The following FILIP1L variants were observed in gnomAD, a reference collection of about 807,000 sequenced individuals.
FILIP1L encodes the protein filamin A interacting protein 1 like, also known as filamin A-interacting protein 1-like.
Under a neutral mutation model 96.6 loss-of-function variants are expected in FILIP1L, and 55 were observed. The ratio of observed to expected loss-of-function variants is 0.57; its 90% CI spans 0.46 to 0.71. The LOEUF (loss-of-function observed/expected upper bound fraction) is 0.71. Among genes scored for constraint, FILIP1L ranks in the 30% least tolerant of loss-of-function variants. FILIP1L has a pLI of 0.00. For missense variants in FILIP1L, 1,304 were observed against 1,321.2 expected (o/e 0.99, Z 0.20); for synonymous variants, 467 against 473.9 (o/e 0.99, Z 0.19).
intron 4 of FILIP1L, among the ~76,000 whole-genome samples, chr3:99,899,459 C>G (rs1318756138): frequency 6.6e-6 from 1 of 152,084 alleles, no homozygotes; most frequent in East Asian, 1.9e-4. Flanking sequence ...ACAAAGTTTT[C>G]CATGAATTAT....
chr3:99,941,334 A>C (rs1374749064), intron 1 of FILIP1L, among the ~76,000 whole-genome samples: 1 of 152,258 alleles, frequency 6.6e-6, no homozygotes, highest in Non-Finnish European at 1.5e-5. Context: ...GAAATACTGT[A>C]AATAATGTTC....
At chr3:99,997,237 A>G (rs944805552) in intron 1 of FILIP1L, among the ~76,000 whole-genome samples, 3 of 152,218 alleles carry the variant, frequency 2.0e-5, no homozygotes, top group Admixed American at 6.5e-5. Context: ...AACCAAGAAG[A>G]AGGTCCAAAT....
chr3:100,045,537 A>G (rs2065265843), intron 1 of FILIP1L, among the ~76,000 whole-genome samples: 2 of 152,032 alleles, frequency 1.3e-5, no homozygotes, highest in Non-Finnish European at 2.9e-5. Flanking sequence ...AACACCTCCT[A>G]TAATTCTCCC....
chr3:99,949,230 C>T (rs1257563128), intron 1 of FILIP1L, among the ~76,000 whole-genome samples: 2 of 152,160 alleles, frequency 1.3e-5, no homozygotes, highest in Non-Finnish European at 2.9e-5. Context: ...TCTAAAAATG[C>T]TGAGGCTAGG....
intron 1 of FILIP1L, among the ~76,000 whole-genome samples, chr3:100,003,839 A>G (rs776978058): frequency 4.0e-4 from 61 of 152,180 alleles, no homozygotes; most frequent in Non-Finnish European, 7.9e-4. Flanking sequence ...GTATCATACA[A>G]ACACTAACTT....
chr3:99,902,820 G>A (rs1706479362), intron 4 of FILIP1L, among the ~76,000 whole-genome samples: 1 of 152,148 alleles, frequency 6.6e-6, no homozygotes, highest in Non-Finnish European at 1.5e-5. Flanking sequence ...AATGGTAATG[G>A]GGTAACTTCC....
At chr3:99,952,184 C>A (rs1489663033) in intron 1 of FILIP1L, among the ~76,000 whole-genome samples, 1 of 151,092 alleles carries the variant, frequency 6.6e-6, no homozygotes, top group African/African-American at 2.4e-5. Flanking sequence ...TTTTCGTTGA[C>A]TTAATAAGGG....
chr3:99,912,331 A>G (rs571340289), intron 4 of FILIP1L, among the ~76,000 whole-genome samples: 2 of 152,276 alleles, frequency 1.3e-5, no homozygotes, highest in South Asian at 2.1e-4. Context: ...AGTGGTTTCT[A>G]GCGGCTGTAG....
intron 4 of FILIP1L, among the ~76,000 whole-genome samples, chr3:99,911,237 A>C (rs1706777778): frequency 6.6e-6 from 1 of 151,720 alleles, no homozygotes; most frequent in Non-Finnish European, 1.5e-5. Context: ...GAAGTTGTAC[A>C]ATAATGGATA....
intron 1 of FILIP1L, among the ~76,000 whole-genome samples, chr3:99,975,893 T>G (rs1708955194): frequency 6.6e-6 from 1 of 152,168 alleles, no homozygotes. Context: ...AATGTCTCTT[T>G]TTGTTGTTGT....
chr3:100,112,870 A>G (rs1276320352), intron 1 of FILIP1L, among the ~76,000 whole-genome samples: 1 of 152,252 alleles, frequency 6.6e-6, no homozygotes, highest in African/African-American at 2.4e-5. Context: ...GTCAACTGAT[A>G]AATGTAGAGA....
chr3:99,896,211 A>C (rs1411291183), intron 4 of FILIP1L, among the ~76,000 whole-genome samples: 1 of 152,220 alleles, frequency 6.6e-6, no homozygotes, highest in Non-Finnish European at 1.5e-5. Flanking sequence ...GGAGTAGGTC[A>C]GAGATTCCTT....
At chr3:99,957,693 CTTTTTTTTTTTTTTTTT>C (rs779350496) in intron 1 of FILIP1L, among the ~76,000 whole-genome samples, 3 of 19,894 alleles carry the variant, frequency 1.5e-4, no homozygotes, top group East Asian at 8.8e-4. Flanking sequence ...TTCTTTCTTT[CTTTTTTTTTTTTTTTTT>C]TTTTTTTTTT....
At chr3:99,947,137 C>CAAAA (rs397829321) in intron 1 of FILIP1L, among the ~76,000 whole-genome samples, 35 of 88,610 alleles carry the variant, frequency 3.9e-4, no homozygotes, top group African/African-American at 6.6e-4. Context: ...GACTCTGTCT[C>CAAAA]AAAAAAAAAA....
At chr3:100,054,793 C>G (rs911412837) in intron 1 of FILIP1L, among the ~76,000 whole-genome samples, 5 of 152,160 alleles carry the variant, frequency 3.3e-5, no homozygotes, top group African/African-American at 9.7e-5. Context: ...CTCTGGATCC[C>G]GTAACCTTGC....
intron 4 of FILIP1L, among the ~76,000 whole-genome samples, chr3:99,852,794 A>G (rs1943767848): frequency 6.6e-6 from 1 of 152,128 alleles, no homozygotes; most frequent in Admixed American, 6.5e-5. Flanking sequence ...TTGGAAATTG[A>G]GTCCTTCTTT....
rs1278812571 is a variant in FILIP1L at position 99,850,130 on chromosome 3, C to A, written c.1546G>T (p.Asp516Tyr). 2 of 1,612,040 alleles carry A rather than the reference C, an allele frequency of 1.2e-6. No homozygotes were observed. The highest frequency in any genetic ancestry group is 1.7e-6 in the Non-Finnish European group (2 of 1,179,622). Residue 516 changes from aspartate (D) to tyrosine (Y), a missense_variant, in exon 5 of 6, where the codon GAT (aspartate) becomes TAT (tyrosine). By Grantham distance (160) the Asp-to-Tyr change is radical. Transcript: ENST00000477258. Reference protein sequence around the residue: ...TMSEKLKKTEDKLQAASSQLQ... With the variant: ...TMSEKLKKTEYKLQAASSQLQ... ...TGAGAAGAAGCAGCTTGTAATTTAT[C>A]TTCAGTTTTCTTTAATTTTTCACTC...
Position 99,849,872 on chromosome 3 carries a change from A to G in FILIP1L, c.1804T>C (p.Phe602Leu). Residue 602 changes from phenylalanine to leucine, a missense_variant, in exon 5 of 6, where the codon TTC becomes CTC. Phe to Leu is a conservative substitution (Grantham distance 22). Transcript: ENST00000477258. ...LQSLEAIEKDFLKNKLNQDSG... is the reference protein window; with the variant it reads ...LQSLEAIEKDLLKNKLNQDSG... ...TCTTGATTTAATTTGTTTTTTAGGAAATCTTTCTCAATTGCTTCCAATGAT... is the reference window on the plus strand; with the variant it reads ...TCTTGATTTAATTTGTTTTTTAGGAGATCTTTCTCAATTGCTTCCAATGAT... The G allele has an allele frequency of 6.2e-7, 1 of 1,610,960 alleles. No individual in the cohort carries two copies. The highest frequency in any genetic ancestry group is 8.5e-7 in the Non-Finnish European group (1 of 1,179,424).
At chr3:99,979,031 G>A (rs1416065561) in intron 1 of FILIP1L, among the ~76,000 whole-genome samples, 1 of 152,112 alleles carries the variant, frequency 6.6e-6, no homozygotes, top group Non-Finnish European at 1.5e-5. Flanking sequence ...TGGCACTGTA[G>A]GGCGACTAGA....
Sources: allele counts gnomAD v4.1 joint callset (sites outside exome capture counted in the v4.1 genomes callset), GRCh38; gene constraint gnomAD v4.1.1; transcripts MANE v1.5; gene names NCBI Gene and HGNC (gene_info 2026-07-23, HGNC 2026-07-21).